Variants in SLC35F3 observed in about 807,000 individuals in gnomAD.
SLC35F3 encodes the protein solute carrier family 35 member F3.
Under a neutral mutation model 49.9 loss-of-function variants are expected in SLC35F3, and 25 were observed. The ratio of observed to expected loss-of-function variants is 0.50; its 90% CI spans 0.37 to 0.70. The LOEUF (loss-of-function observed/expected upper bound fraction) is 0.70. Ranked by LOEUF, SLC35F3 falls within the 30% of genes least tolerant of loss-of-function variation. SLC35F3 has a pLI of 0.00. For missense variants in SLC35F3, 525 were observed against 639.8 expected, an observed-to-expected ratio of 0.82 and a Z score of 1.94; for synonymous variants, 275 against 265.4, an observed-to-expected ratio of 1.04 and a Z score of -0.35.
At chr1:233,917,971 T>G (rs896898697) in intron 2 of SLC35F3, among the ~76,000 whole-genome samples, 2 of 152,380 alleles carry the variant, frequency 1.3e-5, no homozygotes, top group Admixed American at 1.3e-4. Context: ...TGGAATCCCT[T>G]TCTACAGTGG....
At chr1:234,076,976 A>G (rs1330451035) in intron 2 of SLC35F3, among the ~76,000 whole-genome samples, 1 of 149,690 alleles carries the variant, frequency 6.7e-6, no homozygotes, top group Non-Finnish European at 1.5e-5. Context: ...GATAATTTAT[A>G]AAAGAAAGAG....
At position 234,231,801 on chromosome 1, in the gene SLC35F3, T is replaced by C. The variant is rs1333369572; in HGVS notation, c.608+60T>C. 3 of 1,478,218 alleles carry C rather than the reference T, an allele frequency of 2.0e-6. No homozygotes were observed. Among genetic ancestry groups the C allele is most frequent in the Middle Eastern group, 1.8e-4 (1 of 5,434 alleles). 91.6% of individuals were successfully genotyped at this position (1,478,218 alleles called of 1,614,324 possible). Reference sequence around the variant, plus strand: ...CCGGGCTGCTCCATCCAGCGCTGACTCTGCAGAGCTGCCCCTGGTGGCAGG... The same window carrying C: ...CCGGGCTGCTCCATCCAGCGCTGACCCTGCAGAGCTGCCCCTGGTGGCAGG... On this transcript the variant is annotated intron_variant, in intron 3 of 7. Transcript: ENST00000366618. The surrounding 1 kb of genome is among the most constrained non-coding windows in gnomAD (Gnocchi z 5.4).
At chr1:234,076,375 A>G (rs983148689) in intron 2 of SLC35F3, among the ~76,000 whole-genome samples, 5 of 151,910 alleles carry the variant, frequency 3.3e-5, no homozygotes, top group African/African-American at 9.7e-5. Context: ...AGGTGAGAGG[A>G]TCACTTGAGC....
intron 3 of SLC35F3, among the ~76,000 whole-genome samples, chr1:234,295,716 A>C (rs565155537): frequency 6.6e-6 from 1 of 152,046 alleles, no homozygotes; most frequent in South Asian, 2.1e-4. Context: ...AGCTAAATAT[A>C]CTCCTTTCTA....
At position 234,112,985 on chromosome 1, in the gene SLC35F3, G is replaced by A. The variant is rs867307821; in HGVS notation, c.284-118432G>A. On this transcript the variant is annotated intron_variant, in intron 2 of 7. Coordinates refer to ENST00000366618, the MANE Select transcript of SLC35F3 (RefSeq NM_173508.4). ...CTCAGGAGGCTGAGGTGAAAAGATC[G>A]CTCAAGCCCAGTAGTTTGAGACCAA... 1.3e-4 allele frequency among the ~76,000 whole-genome samples: 19 copies of A among 151,662 alleles called. No individual in the cohort carries two copies. The Middle Eastern group carries it at 0.021, about 164-fold the overall frequency.
chr1:233,923,188 G>A (rs12117670), intron 2 of SLC35F3, among the ~76,000 whole-genome samples: 16,845 of 152,226 alleles, frequency 0.11, 998 homozygotes, highest in East Asian at 0.14. Flanking sequence ...TGTGAAGAAA[G>A]TCATTGGTAG....
chr1:234,165,838 T>C (rs1666310818), intron 2 of SLC35F3, among the ~76,000 whole-genome samples: 1 of 152,130 alleles, frequency 6.6e-6, no homozygotes, highest in Non-Finnish European at 1.5e-5. Context: ...CTGTGGGTAG[T>C]TTTTCATCCC....
At chr1:233,948,358 T>C (rs542807903) in intron 2 of SLC35F3, among the ~76,000 whole-genome samples, 1 of 151,948 alleles carries the variant, frequency 6.6e-6, no homozygotes, top group African/African-American at 2.4e-5. Flanking sequence ...TCCAGCCCCA[T>C]CTTTGATCTT....
chr1:234,278,480 A>G (rs1328971088), intron 3 of SLC35F3, among the ~76,000 whole-genome samples: 2 of 150,070 alleles, frequency 1.3e-5, no homozygotes, highest in Non-Finnish European at 3.0e-5. Flanking sequence ...ACAGAGCGAG[A>G]CTCTGTTTCA....
intron 3 of SLC35F3, among the ~76,000 whole-genome samples, chr1:234,275,547 G>A (rs1003548727): frequency 1.3e-5 from 2 of 151,928 alleles, no homozygotes; most frequent in East Asian, 1.9e-4. Flanking sequence ...AGATAGATAG[G>A]TGGGTGGGTT....
chr1:234,009,534 T>C (rs1452181098), intron 2 of SLC35F3, among the ~76,000 whole-genome samples: 1 of 152,168 alleles, frequency 6.6e-6, no homozygotes, highest in Non-Finnish European at 1.5e-5. Context: ...TTACAACTCA[T>C]TCCCCAGCTC....
intron 2 of SLC35F3, among the ~76,000 whole-genome samples, chr1:233,941,962 G>GTTTTTTTTTTTTTTT (rs547024039): frequency 8.4e-5 from 10 of 118,952 alleles, no homozygotes; most frequent in Non-Finnish European, 1.2e-4. Flanking sequence ...TTGTTTTTTT[G>GTTTTTTTTTTTTTTT]TTTTTTTTTT....
At position 234,089,219 on chromosome 1, in the gene SLC35F3, T is replaced by C. The variant is rs574694255; in HGVS notation, c.284-142198T>C. On this transcript the variant is annotated intron_variant, in intron 2 of 7. Coordinates refer to ENST00000366618, the MANE Select transcript of SLC35F3 (RefSeq NM_173508.4). ...CTCCTTGTTGTGTAATGTCTGATAA[T>C]TTCACTCATTAAATTACCCAGACAG... 2.0e-5 allele frequency among the ~76,000 whole-genome samples: 3 copies of C among 152,292 alleles called. No individual in the cohort carries two copies. The South Asian group carries it at 6.2e-4, about 32-fold the overall frequency.
At chr1:234,019,753 G>T (rs1335120405) in intron 2 of SLC35F3, among the ~76,000 whole-genome samples, 2 of 152,148 alleles carry the variant, frequency 1.3e-5, no homozygotes, top group African/African-American at 4.8e-5. Context: ...CATCCAACAG[G>T]GCCCCTCCCT....
At chr1:234,191,116 A>T (rs1666724692) in intron 2 of SLC35F3, among the ~76,000 whole-genome samples, 1 of 152,216 alleles carries the variant, frequency 6.6e-6, no homozygotes, top group Non-Finnish European at 1.5e-5. Context: ...GGCTTCAATT[A>T]TGCCTAATCA....
chr1:234,112,186 TAAA>T (rs1558232794), intron 2 of SLC35F3, among the ~76,000 whole-genome samples: 1 of 151,696 alleles, frequency 6.6e-6, no homozygotes, highest in Non-Finnish European at 1.5e-5. Flanking sequence ...AAAATAAAAA[TAAA>T]AAAGAAAATA....
chr1:234,317,627 G>A (rs1355887615), intron 5 of SLC35F3, among the ~76,000 whole-genome samples: 1 of 152,108 alleles, frequency 6.6e-6, no homozygotes, highest in African/African-American at 2.4e-5. Context: ...CTGGGTTTGG[G>A]AAAATGAAAT....
At chr1:234,112,220 G>T (rs1013655846) in intron 2 of SLC35F3, among the ~76,000 whole-genome samples, 1 of 152,100 alleles carries the variant, frequency 6.6e-6, no homozygotes, top group Non-Finnish European at 1.5e-5. Flanking sequence ...GCATGGTGGT[G>T]CATGCCTGTG....
chr1:234,290,626 C>A (rs534430251), intron 3 of SLC35F3, among the ~76,000 whole-genome samples: 1 of 152,238 alleles, frequency 6.6e-6, no homozygotes, highest in Non-Finnish European at 1.5e-5. Flanking sequence ...TTCCGTCCCC[C>A]ACCCTGGATG....
Sources: allele counts gnomAD v4.1 joint callset (sites outside exome capture counted in the v4.1 genomes callset), GRCh38; gene constraint gnomAD v4.1.1; non-coding constraint Gnocchi (gnomAD v3.1); transcripts MANE v1.5; gene names NCBI Gene and HGNC (gene_info 2026-07-23, HGNC 2026-07-21).